Variants in TUBB3 observed in about 807,000 individuals in gnomAD.
The protein encoded by TUBB3 is tubulin beta 3 class III.
Under a neutral mutation model 37.8 loss-of-function variants are expected in TUBB3, and 17 were observed. The ratio of observed to expected loss-of-function variants is 0.45; its 90% CI spans 0.31 to 0.67. TUBB3 has a LOEUF of 0.67. Ranked by LOEUF, TUBB3 falls within the 30% of genes least tolerant of loss-of-function variation. The pLI, the probability that TUBB3 is intolerant of heterozygous loss-of-function variation, is 0.07. For missense variants in TUBB3, 262 were observed against 657.9 expected, an observed-to-expected ratio of 0.40 and a Z score of 6.58; for synonymous variants, 332 against 278.9, an observed-to-expected ratio of 1.19 and a Z score of -1.90.
Position 89,932,618 on chromosome 16 carries a change from C to G in TUBB3, c.105C>G (p.Asn35Lys). 1 of 1,614,176 alleles carries G rather than the reference C, an allele frequency of 6.2e-7. No homozygotes were observed. Among genetic ancestry groups the G allele is most frequent in the Non-Finnish European group, 8.5e-7 (1 of 1,180,044 alleles). ...SDEHGIDPSG[N>K]YVGDSDLQLE... ...AGCATGGCATCGACCCCAGCGGCAA[C>G]TACGTGGGCGACTCGGACTTGCAGC... Residue 35 changes from asparagine to lysine, a missense_variant, in exon 2 of 4, where the codon AAC (asparagine) becomes AAG (lysine). By Grantham distance (94) the Asn-to-Lys change is moderately conservative (BLOSUM62 0). Around this residue, in one of 3 missense-constraint regions of TUBB3, gnomAD observed 58 missense variants for 74.2 expected, o/e 0.78. Transcript: ENST00000315491.
In TUBB3 at chr16:89,934,167, ATG is replaced by A. The variant is rs1372331612; in HGVS notation, c.278-561_278-560del. 15 of 334,156 alleles carry A rather than the reference ATG, an allele frequency of 4.5e-5. 1 individual carries two copies. Among genetic ancestry groups the A allele is most frequent in the African/African-American group, 2.6e-4 (9 of 34,880 alleles). 20.7% of individuals were successfully genotyped at this position (334,156 alleles called of 1,614,324 possible). ...GCGGGGCCGTGGATGCCACGTTCCC[ATG>A]CCTGTGTCCTGGGGCGGGGCCGTGG... On this transcript the variant is annotated intron_variant, in intron 3 of 3. Coordinates refer to ENST00000315491, the MANE Select transcript of TUBB3 (RefSeq NM_006086.4).
In TUBB3 at chr16:89,923,397, C is replaced by G. The variant is rs779955736; in HGVS notation, c.-5C>G. The G allele has an allele frequency of 1.3e-6, 2 of 1,489,596 alleles. No individual in the cohort carries two copies. Among genetic ancestry groups the G allele is most frequent in the Non-Finnish European group, 1.8e-6 (2 of 1,117,864 alleles). The allele number at this position is 1,489,596 out of a possible 1,614,324, so 92.3% of individuals were successfully genotyped here. A position where few individuals can be genotyped will look rare whatever the true frequency, so the allele number is the denominator to read the frequency against. On this transcript the variant is annotated 5_prime_UTR_variant, in exon 1 of 4. Transcript: ENST00000315491. ...GTCCGCAGCCGCCCGCCAGACGCGC[C>G]CAGTATGAGGGAGATCGTGCACATC...
In TUBB3 at chr16:89,934,201, C is replaced by T. The variant is rs535405223; in HGVS notation, c.278-528C>T. ...TCCTGGGGCGGGGCCGTGGATGCCA[C>T]GTTCCCATGCCTGTGTCCTGGGGCG... is the stretch of plus-strand genomic sequence containing the variant. On this transcript the variant is annotated intron_variant, in intron 3 of 3. Coordinates refer to ENST00000315491, the MANE Select transcript of TUBB3 (RefSeq NM_006086.4). 529 of 363,534 alleles carry T rather than the reference C, an allele frequency of 1.5e-3. 1 individual carries two copies. Among genetic ancestry groups the T allele is most frequent in the African/African-American group, 0.011 (488 of 42,538 alleles). 22.5% of individuals were successfully genotyped at this position (363,534 alleles called of 1,614,324 possible).
chr16:89,923,499 G>A, intron 1 of TUBB3, 41 bp downstream of exon 1: 1 of 1,392,614 alleles, frequency 7.2e-7, no homozygotes, highest in South Asian at 1.5e-5. Context: ...CCCCGGGGCG[G>A]GAGGAGGGAG....
At chr16:89,928,651 A>G (rs910192246) in intron 1 of TUBB3, among the ~76,000 whole-genome samples, 1 of 151,892 alleles carries the variant, frequency 6.6e-6, no homozygotes, top group Non-Finnish European at 1.5e-5. Context: ...CAGCCTCCCA[A>G]GTAGCTGGGA....
chr16:89,934,696 C>G (rs1427412163), intron 3 of TUBB3, 33 bp from the exon 4 acceptor site: 1 of 1,605,556 alleles, frequency 6.2e-7, no homozygotes, highest in Admixed American at 1.7e-5. Context: ...GAGTCCCTGG[C>G]CCCTGTCTCT....
In TUBB3 at chr16:89,926,045, G is replaced by C. The variant is rs557636924; in HGVS notation, c.57+2587G>C. ...CGAGCGGCCGCCTGCAGTCACCCCG[G>C]GGGGGGCAGGGGCGGGCCGGGCTAT... On this transcript the variant is annotated intron_variant, in intron 1 of 3. Coordinates refer to ENST00000315491, the MANE Select transcript of TUBB3 (RefSeq NM_006086.4). 5.9e-5 allele frequency among the ~76,000 whole-genome samples: 9 copies of C among 152,092 alleles called. No individual in the cohort carries two copies. The South Asian group carries it at 8.3e-4, about 14-fold the overall frequency.
At chr16:89,928,466 C>T (rs1012862022) in intron 1 of TUBB3, among the ~76,000 whole-genome samples, 2 of 151,718 alleles carry the variant, frequency 1.3e-5, no homozygotes, top group Non-Finnish European at 2.9e-5. Context: ...TCAAGCAATT[C>T]TCCTGCCTTA....
chr16:89,923,582 C>A (rs1340074733), intron 1 of TUBB3, 124 bp downstream of exon 1: 4 of 972,446 alleles, frequency 4.1e-6, no homozygotes, highest in Non-Finnish European at 5.3e-6. Flanking sequence ...ATGCGCCCAG[C>A]GCCGCGCCGG....
At position 89,932,549 on chromosome 16, in the gene TUBB3, C is replaced by CA. The variant is rs747540798; in HGVS notation, c.58-22_58-21insA. 1.7e-5 allele frequency: 28 copies of CA among 1,607,634 alleles called. 1 individual carries two copies. The South Asian group carries it at 3.0e-4, about 17-fold the overall frequency. On this transcript the variant is annotated intron_variant, in intron 1 of 3. Coordinates refer to ENST00000315491, the MANE Select transcript of TUBB3 (RefSeq NM_006086.4). ...GGGGCTATGGGCCGGTGCCGACCCCCCCTCTCCCACTTTGTTTGCAGTTCT... is the reference window on the plus strand; with the variant it reads ...GGGGCTATGGGCCGGTGCCGACCCCCACCTCTCCCACTTTGTTTGCAGTTCT...
At chr16:89,931,188 A>G (rs934318378) in intron 1 of TUBB3, among the ~76,000 whole-genome samples, 3 of 151,064 alleles carry the variant, frequency 2.0e-5, no homozygotes, top group Non-Finnish European at 4.4e-5. Flanking sequence ...CTTTGTCTAC[A>G]CTCCTGGGGT....
At chr16:89,923,490 C>A in intron 1 of TUBB3, 32 bp downstream of exon 1, 2 of 1,416,652 alleles carry the variant, frequency 1.4e-6, no homozygotes, top group Non-Finnish European at 9.3e-7. Context: ...TGTCCCGGGC[C>A]CCGGGGCGGG....
chr16:89,933,417 G>C (rs760529412), intron 2 of TUBB3, 51 bp from the exon 3 acceptor site: 6 of 1,394,768 alleles, frequency 4.3e-6, no homozygotes, highest in Non-Finnish European at 5.1e-6. Context: ...GAATGAGGGA[G>C]AGGCTCTGGC....
At chr16:89,933,378 G>C in intron 2 of TUBB3, 90 bp from the exon 3 acceptor site, 1 of 1,074,884 alleles carries the variant, frequency 9.3e-7, no homozygotes, top group East Asian at 2.4e-5. Context: ...GTGAGCAGGA[G>C]GATGGCAGGC....
chr16:89,924,604 G>T (rs2030006523), intron 1 of TUBB3, among the ~76,000 whole-genome samples: 1 of 152,070 alleles, frequency 6.6e-6, no homozygotes, highest in South Asian at 2.1e-4. Context: ...TCCGGAGGCT[G>T]TTGCCATGGA....
chr16:89,929,699 TTTTC>T lies in TUBB3; in HGVS notation c.58-2860_58-2857del, dbSNP rs542646070. On this transcript the variant is annotated intron_variant, in intron 1 of 3. Coordinates refer to ENST00000315491, the MANE Select transcript of TUBB3 (RefSeq NM_006086.4). ...CGCATAGAGAAGCACCCACAAGCAG[TTTTC>T]TTTCTTTCTTTTATTTGAGACGGTG... is the stretch of plus-strand genomic sequence containing the variant. 5.7e-4 allele frequency among the ~76,000 whole-genome samples: 87 copies of T among 152,106 alleles called. 1 individual carries two copies. In the South Asian group the frequency reaches 0.011, roughly 19 times the overall value.
At chr16:89,930,174 G>A (rs956690969) in intron 1 of TUBB3, among the ~76,000 whole-genome samples, 10 of 149,990 alleles carry the variant, frequency 6.7e-5, no homozygotes, top group East Asian at 2.0e-4. Flanking sequence ...GCGCGATCTC[G>A]ACTCACCACA....
At chr16:89,926,024 C>A (rs1479858095) in intron 1 of TUBB3, among the ~76,000 whole-genome samples, 1 of 151,964 alleles carries the variant, frequency 6.6e-6, no homozygotes, top group Non-Finnish European at 1.5e-5. Flanking sequence ...GAAAGCCGAG[C>A]GGCCGCCTGC....
chr16:89,930,436 T>C (rs1225071272), intron 1 of TUBB3, among the ~76,000 whole-genome samples: 1 of 151,082 alleles, frequency 6.6e-6, no homozygotes, highest in Non-Finnish European at 1.5e-5. Flanking sequence ...TTTATTATTA[T>C]TCTATGAGAC....
Sources: allele counts gnomAD v4.1 joint callset (sites outside exome capture counted in the v4.1 genomes callset), GRCh38; gene constraint gnomAD v4.1.1; regional missense constraint gnomAD v4.1.1; transcripts MANE v1.5; gene names NCBI Gene and HGNC (gene_info 2026-07-23, HGNC 2026-07-21).